The following SHISA9 variants were observed in gnomAD, a reference collection of about 807,000 sequenced individuals.
SHISA9 encodes protein shisa-9.
A neutral mutation model predicts 38.0 loss-of-function variants in SHISA9; 13 were observed. That is an observed-to-expected ratio of 0.34 (90% CI 0.22 to 0.54). SHISA9 has a LOEUF of 0.54. Among genes scored for constraint, SHISA9 ranks in the 20% least tolerant of loss-of-function variants. The pLI is 0.91. For missense variants in SHISA9, 538 were observed against 575.8 expected, an observed-to-expected ratio of 0.93 and a Z score of 0.67; for synonymous variants, 275 against 242.0, an observed-to-expected ratio of 1.14 and a Z score of -1.27.
chr16:13,295,973 A>G, the SHISA9 span, among the ~76,000 whole-genome samples: 1 of 151,956 alleles, frequency 6.6e-6, no homozygotes, highest in Non-Finnish European at 1.5e-5. Context: ...CCTGTATCAG[A>G]CTCTGTATAT....
the SHISA9 span, among the ~76,000 whole-genome samples, chr16:13,260,735 T>C: frequency 5.3e-4 from 81 of 152,346 alleles, no homozygotes; most frequent in African/African-American, 1.9e-3. Context: ...CTTCTGCCTG[T>C]TACTCCGTTC....
the SHISA9 span, among the ~76,000 whole-genome samples, chr16:13,406,886 T>C: frequency 6.6e-6 from 1 of 151,764 alleles, no homozygotes; most frequent in African/African-American, 2.4e-5. Context: ...CTGACCAACA[T>C]AGAGAAACCC....
the SHISA9 span, among the ~76,000 whole-genome samples, chr16:13,489,355 A>G: frequency 6.6e-6 from 1 of 152,110 alleles, no homozygotes; most frequent in African/African-American, 2.4e-5. Context: ...CTGCCTAACG[A>G]TGCATTCTTT....
the SHISA9 span, among the ~76,000 whole-genome samples, chr16:13,341,191 G>A: frequency 1.3e-5 from 2 of 152,166 alleles, no homozygotes; most frequent in Admixed American, 1.3e-4. Context: ...AGAAAATGAA[G>A]AAGAATCAGG....
At chr16:13,007,685 C>G (rs2072615873) in intron 2 of SHISA9, among the ~76,000 whole-genome samples, 1 of 152,240 alleles carries the variant, frequency 6.6e-6, no homozygotes, top group Non-Finnish European at 1.5e-5. Flanking sequence ...ATGGCCCATG[C>G]AGATCTGCTC....
At chr16:13,164,856 A>C (rs2050622935) in intron 2 of SHISA9, among the ~76,000 whole-genome samples, 1 of 152,180 alleles carries the variant, frequency 6.6e-6, no homozygotes, top group African/African-American at 2.4e-5. Flanking sequence ...GGATGACATG[A>C]ACCTTTTTAA....
At chr16:13,082,703 T>C (rs1173687579) in intron 2 of SHISA9, among the ~76,000 whole-genome samples, 2 of 152,086 alleles carry the variant, frequency 1.3e-5, no homozygotes, top group East Asian at 3.9e-4. Flanking sequence ...AGATTATGAT[T>C]GAAAGGAATG....
At chr16:13,193,887 T>G (rs1014392481) in intron 2 of SHISA9, among the ~76,000 whole-genome samples, 3 of 152,176 alleles carry the variant, frequency 2.0e-5, no homozygotes, top group Admixed American at 2.0e-4. Context: ...CCTCTGTTTC[T>G]TAACTGGCTC....
intron 2 of SHISA9, among the ~76,000 whole-genome samples, chr16:13,122,890 T>TA (rs772519616): frequency 6.6e-6 from 1 of 152,016 alleles, no homozygotes; most frequent in Non-Finnish European, 1.5e-5. Flanking sequence ...CAACTAAAAA[T>TA]ACAAAAATTA....
chr16:13,190,078 A>G (rs1471705177), intron 2 of SHISA9, among the ~76,000 whole-genome samples: 1 of 126,268 alleles, frequency 7.9e-6, no homozygotes, highest in Non-Finnish European at 1.6e-5. Flanking sequence ...AACACCCTTT[A>G]GTCTTTTTTT....
At chr16:13,147,152 C>T (rs2050454484) in intron 2 of SHISA9, among the ~76,000 whole-genome samples, 1 of 152,114 alleles carries the variant, frequency 6.6e-6, no homozygotes, top group Non-Finnish European at 1.5e-5. Flanking sequence ...CTTTGAGGAA[C>T]AGTCAGTAAA....
At chr16:13,098,056 G>A (rs991652108) in intron 2 of SHISA9, among the ~76,000 whole-genome samples, 2 of 152,150 alleles carry the variant, frequency 1.3e-5, no homozygotes, top group African/African-American at 4.8e-5. Flanking sequence ...TGGCACCACT[G>A]TTACCACCCC....
intron 2 of SHISA9, among the ~76,000 whole-genome samples, chr16:12,955,309 C>G (rs2071814887): frequency 6.6e-6 from 1 of 152,106 alleles, no homozygotes; most frequent in South Asian, 2.1e-4. Flanking sequence ...AGTGACCCCT[C>G]CAACCAATGG....
At chr16:13,299,393 T>C in the SHISA9 span, among the ~76,000 whole-genome samples, 1 of 152,064 alleles carries the variant, frequency 6.6e-6, no homozygotes, top group Admixed American at 6.5e-5. Flanking sequence ...TGTAACTTGC[T>C]TAAAGTCGCA....
chr16:12,915,720 G>GA (rs1175710530), intron 1 of SHISA9, among the ~76,000 whole-genome samples: 1 of 152,230 alleles, frequency 6.6e-6, no homozygotes, highest in African/African-American at 2.4e-5. Context: ...GCAAGGGATG[G>GA]AAGGGTTTCA....
At chr16:13,544,416 T>G in the SHISA9 span, among the ~76,000 whole-genome samples, 6,644 of 22,280 alleles carry the variant, frequency 0.3, 461 homozygotes, top group African/African-American at 0.48. Context: ...TTTTTCGGGT[T>G]TTTTTTTTTC....
At chr16:12,919,794 A>G (rs2071304557) in intron 2 of SHISA9, among the ~76,000 whole-genome samples, 1 of 152,194 alleles carries the variant, frequency 6.6e-6, no homozygotes, top group Non-Finnish European at 1.5e-5. Flanking sequence ...CTTTCCAGGC[A>G]TTCAGTGATA....
chr16:13,426,026 CAGTTAT>C, the SHISA9 span, among the ~76,000 whole-genome samples: 57 of 152,322 alleles, frequency 3.7e-4, no homozygotes, highest in Middle Eastern at 3.4e-3. Context: ...CAACACAGAA[CAGTTAT>C]CTTCCCCTTT....
the SHISA9 span, among the ~76,000 whole-genome samples, chr16:13,500,204 C>A: frequency 6.6e-6 from 1 of 152,202 alleles, no homozygotes; most frequent in Non-Finnish European, 1.5e-5. Context: ...GGCTCTTCCC[C>A]CTTTGCTGCT....
Sources: gnomAD v4.1 joint callset for allele counts (sites outside exome capture counted in the v4.1 genomes callset) on GRCh38, gnomAD v4.1.1 for gene constraint, MANE v1.5 for transcripts, NCBI Gene and HGNC (gene_info 2026-07-23, HGNC 2026-07-21) for gene names.